The following KALRN variants were observed in gnomAD, a reference collection of about 807,000 sequenced individuals.
KALRN encodes kalirin RhoGEF kinase, also known as kalirin.
A neutral mutation model predicts 353.7 loss-of-function variants in KALRN; 70 were observed. The ratio of observed to expected loss-of-function variants is 0.20; its 90% confidence interval spans 0.16 to 0.24. The LOEUF (loss-of-function observed/expected upper bound fraction) is 0.24. Among genes scored for constraint, KALRN ranks in the 10% least tolerant of loss-of-function variants. The pLI, the probability that KALRN is intolerant of heterozygous loss-of-function variation, is 1.00. For synonymous variants in KALRN, 1,391 were observed against 1,434.8 expected (o/e 0.97, Z 0.69); for missense variants, 2,791 against 3,756.7 (o/e 0.74, Z 6.72).
intron 45 of KALRN, among the ~76,000 whole-genome samples, chr3:124,665,584 C>T (rs11716888): frequency 0.028 from 4,241 of 152,264 alleles, 80 homozygotes; most frequent in East Asian, 0.079. Context: ...CGTGCCTCAG[C>T]CTCCTAAGTA....
chr3:124,434,180 C>T, intron 16 of KALRN, 127 bp from the exon 17 acceptor site: 2 of 635,164 alleles, frequency 3.1e-6, no homozygotes, highest in East Asian at 2.8e-5. Context: ...ATGGTCATGA[C>T]AAAATGGATC....
chr3:124,216,862 C>G (rs2077385409), intron 1 of KALRN, among the ~76,000 whole-genome samples: 1 of 152,222 alleles, frequency 6.6e-6, no homozygotes, highest in Non-Finnish European at 1.5e-5. Context: ...TAACTCATCT[C>G]TTTGTTATTA....
chr3:124,354,178 A>G (rs537449633), intron 10 of KALRN, among the ~76,000 whole-genome samples: 2 of 152,314 alleles, frequency 1.3e-5, no homozygotes, highest in South Asian at 2.1e-4. Context: ...TGGGGAACAA[A>G]TGGCACATTC....
At chr3:124,599,130 C>T (rs765560243) in intron 34 of KALRN, among the ~76,000 whole-genome samples, 3 of 152,112 alleles carry the variant, frequency 2.0e-5, no homozygotes, top group African/African-American at 4.8e-5. Flanking sequence ...TCTTCTGGCC[C>T]GCAAGTGGGT....
chr3:124,223,051 CT>C lies in KALRN; in HGVS notation c.74-4925del, dbSNP rs527853238. On this transcript the variant is annotated intron_variant, in intron 1 of 59. Coordinates refer to ENST00000682506, the MANE Select transcript of KALRN (RefSeq NM_001388419.1). ...CTTTAGGACTCATCTTTAAGAAGCT[CT>C]TTTTTTTTTTTTTAGTCTCCTTGCA... Among the ~76,000 whole-genome samples, 746 of 139,620 alleles carry C rather than the reference CT, an allele frequency of 5.3e-3. 2 individuals carry two copies. The highest frequency in any genetic ancestry group is 7.1e-3 in the Admixed American group (98 of 13,900). The allele number at this position is 139,620 out of a possible 152,430, so 91.6% of individuals were successfully genotyped here.
chr3:124,701,185 GCTTGCTC>G (rs2062309120), intron 56 of KALRN, among the ~76,000 whole-genome samples: 1 of 152,182 alleles, frequency 6.6e-6, no homozygotes, highest in Non-Finnish European at 1.5e-5. Context: ...GTATTGCTGT[GCTTGCTC>G]TGTGTGCGTG....
At chr3:124,183,340 C>T (rs2073852905) in intron 1 of KALRN, among the ~76,000 whole-genome samples, 1 of 152,106 alleles carries the variant, frequency 6.6e-6, no homozygotes, top group Non-Finnish European at 1.5e-5. Context: ...CAGGAAGCTT[C>T]CAATCATGGT....
intron 10 of KALRN, among the ~76,000 whole-genome samples, chr3:124,356,635 C>T (rs2083451666): frequency 6.6e-6 from 1 of 152,158 alleles, no homozygotes. Context: ...CACCTGGCCA[C>T]TTAACAGGTC....
At chr3:124,424,003 T>G (rs768552532) in intron 15 of KALRN, among the ~76,000 whole-genome samples, 3 of 152,240 alleles carry the variant, frequency 2.0e-5, no homozygotes, top group Non-Finnish European at 4.4e-5. Flanking sequence ...TTGAGTGCTA[T>G]GGGCCTGTTA....
chr3:124,428,777 C>T (rs1483498293), intron 15 of KALRN, among the ~76,000 whole-genome samples: 1 of 152,108 alleles, frequency 6.6e-6, no homozygotes, highest in East Asian at 1.9e-4. Flanking sequence ...AAATGGGAAG[C>T]TTGTAAGTAG....
chr3:124,181,232 T>TG (rs2073558956), intron 1 of KALRN, among the ~76,000 whole-genome samples: 1 of 151,936 alleles, frequency 6.6e-6, no homozygotes, highest in Non-Finnish European at 1.5e-5. Context: ...GCCTGGGCAA[T>TG]GGAGACTGCA....
At chr3:124,044,614 CAAAA>C (rs758755114) in intron 1 of KALRN, among the ~76,000 whole-genome samples, 1 of 67,278 alleles carries the variant, frequency 1.5e-5, no homozygotes. Context: ...ACTCTGTCTC[CAAAA>C]AAAAAAAAAA....
chr3:124,456,517 T>C, intron 22 of KALRN, 93 bp from the exon 23 acceptor site: 4 of 774,390 alleles, frequency 5.2e-6, no homozygotes, highest in Non-Finnish European at 8.8e-6. Context: ...CTCCATTATA[T>C]CTTTTTTTCC....
intron 33 of KALRN, among the ~76,000 whole-genome samples, chr3:124,540,376 G>A (rs1577832884): frequency 6.6e-6 from 1 of 152,158 alleles, no homozygotes. Flanking sequence ...AGTTTATGGA[G>A]CAGTTCTCAT....
At chr3:124,035,462 T>C (rs1382027880) in intron 1 of KALRN, among the ~76,000 whole-genome samples, 1 of 152,172 alleles carries the variant, frequency 6.6e-6, no homozygotes, top group Admixed American at 6.5e-5. Context: ...CTGCATTTTC[T>C]TAGCTCTGAG....
intron 1 of KALRN, among the ~76,000 whole-genome samples, chr3:124,044,433 G>A (rs1393723495): frequency 6.6e-6 from 1 of 152,034 alleles, no homozygotes; most frequent in Admixed American, 6.6e-5. Context: ...ACCACTCCAA[G>A]CTTTAGTTTA....
rs752783614 is a variant in KALRN, at chr3:124,170,831, C to CTT, written c.74-57121_74-57120dup. ...TATAAACTCCTTCCACTTCCACATT[C>CTT]TTTTTTTTTTTTTTTTTTTTTTTTT... On this transcript the variant is annotated intron_variant, in intron 1 of 59. Coordinates refer to ENST00000682506, the MANE Select transcript of KALRN (RefSeq NM_001388419.1). 3.8e-4 allele frequency among the ~76,000 whole-genome samples: 18 copies of CTT among 47,148 alleles called. 3 individuals are homozygous for CTT. Among genetic ancestry groups the CTT allele is most frequent in the Non-Finnish European group, 5.1e-4 (13 of 25,528 alleles). The allele number at this position is 47,148 out of a possible 152,430, so 30.9% of individuals were successfully genotyped here.
At chr3:124,241,916 A>C (rs2080495966) in intron 3 of KALRN, among the ~76,000 whole-genome samples, 2 of 152,194 alleles carry the variant, frequency 1.3e-5, no homozygotes, top group South Asian at 4.1e-4. Context: ...TCAAAGGAAC[A>C]CTGGGGGTGG....
chr3:124,256,383 T>C (rs1396910446), intron 3 of KALRN, among the ~76,000 whole-genome samples: 1 of 152,122 alleles, frequency 6.6e-6, no homozygotes, highest in East Asian at 1.9e-4. Flanking sequence ...GCTGGGATAA[T>C]AGTAGCAACT....
Sources: gnomAD v4.1 joint callset for allele counts (sites outside exome capture counted in the v4.1 genomes callset) on GRCh38, gnomAD v4.1.1 for gene constraint, MANE v1.5 for transcripts, NCBI Gene and HGNC (gene_info 2026-07-23, HGNC 2026-07-21) for gene names.